The following PDCD7 variants were observed in gnomAD, a reference collection of about 807,000 sequenced individuals.
PDCD7 encodes the protein programmed cell death protein 7.
PDCD7 carries 40 observed loss-of-function variants against 42.1 expected under a neutral mutation model. That is an observed-to-expected ratio of 0.95 (90% CI 0.74 to 1.24). The LOEUF (loss-of-function observed/expected upper bound fraction) is 1.24, where lower values mean the gene tolerates loss of function less well. PDCD7 is among the 50% of genes most tolerant of loss of function. PDCD7 has a pLI of 0.00. For synonymous variants in PDCD7, 299 were observed against 303.3 expected (o/e 0.99, Z 0.15); for missense variants, 644 against 662.8 (o/e 0.97, Z 0.31).
intron 2 of PDCD7, among the ~76,000 whole-genome samples, chr15:65,123,793 A>G (rs2087475074): frequency 6.6e-6 from 1 of 152,208 alleles, no homozygotes; most frequent in African/African-American, 2.4e-5. Flanking sequence ...ACTCAAATTT[A>G]TCTTCTACTA....
In PDCD7 at chr15:65,133,604, G is replaced by A. The variant is rs1182651287; in HGVS notation, c.178C>T (p.Leu60=). The change falls in exon 1 of 5, where the codon CTG becomes TTG. Residue 60 remains leucine, a synonymous_variant. Transcript: ENST00000204549. ...GASAPFLQPP[L]ALQPRASAEA... ...GCGGAGGCTCGGGGCTGCAGAGCCA[G>A]CGGAGGCTGAAGGAAGGGGGCGGAG... 7.3e-6 allele frequency: 9 copies of A among 1,239,834 alleles called. No individual in the cohort carries two copies. The highest frequency in any genetic ancestry group is 4.2e-5 in the Admixed American group (1 of 23,722). 76.8% of individuals were successfully genotyped at this position (1,239,834 alleles called of 1,614,324 possible).
chr15:65,121,907 G>C (rs552526914), intron 2 of PDCD7, among the ~76,000 whole-genome samples: 167 of 152,280 alleles, frequency 1.1e-3, no homozygotes, highest in African/African-American at 3.8e-3. Flanking sequence ...GACTGCAATT[G>C]TGCACTCACT....
intron 1 of PDCD7, 93 bp downstream of exon 1, chr15:65,132,819 G>A: frequency 6.4e-7 from 1 of 1,556,184 alleles, no homozygotes; most frequent in Non-Finnish European, 8.7e-7. Context: ...TAAAACAGAG[G>A]CTTAGCCCTG....
rs775490384 is a variant in PDCD7 at position 65,132,898 on chromosome 15, G to A, written c.870+14C>T. 3 of 1,601,312 alleles carry A rather than the reference G, an allele frequency of 1.9e-6. No individual in the cohort carries two copies. In the East Asian group the frequency reaches 6.7e-5, roughly 36 times the overall value. On this transcript the variant is annotated intron_variant, in intron 1 of 4. Coordinates refer to ENST00000204549, the MANE Select transcript of PDCD7 (RefSeq NM_005707.2). ...ACCACCACTCCTACCCCCATGAGCG[G>A]CCGCTGCTCTCACCCGCTTCTTCTC... is the stretch of plus-strand genomic sequence containing the variant.
intron 2 of PDCD7, among the ~76,000 whole-genome samples, chr15:65,126,576 A>C (rs906756047): frequency 6.6e-6 from 1 of 152,094 alleles, no homozygotes; most frequent in Admixed American, 6.5e-5. Flanking sequence ...CAACATGGCG[A>C]AACTCTATCT....
At chr15:65,124,259 TA>T (rs970109731) in intron 2 of PDCD7, among the ~76,000 whole-genome samples, 2 of 151,130 alleles carry the variant, frequency 1.3e-5, no homozygotes, top group African/African-American at 2.4e-5. Flanking sequence ...CCATCTCTAC[TA>T]AAAAAAATAC....
intron 2 of PDCD7, among the ~76,000 whole-genome samples, chr15:65,127,532 T>G (rs1187025807): frequency 4.0e-5 from 6 of 150,850 alleles, no homozygotes; most frequent in Admixed American, 6.6e-5. Context: ...AACTCTAGCA[T>G]AGCCCATAAG....
At position 65,133,076 on chromosome 15, in the gene PDCD7, G is replaced by A. The variant is rs772368523; in HGVS notation, c.706C>T (p.Arg236Trp). Reference protein sequence around the residue: ...LTQAAYVGEARRRLERVRRRR... With the variant: ...LTQAAYVGEAWRRLERVRRRR... ...CGCCGGACCCTCTCCAGCCTCCTCC[G>A]CGCCTCGCCCACATAGGCAGCCTGG... The change falls in exon 1 of 5, where the codon CGG (arginine) becomes TGG (tryptophan). Residue 236 changes from arginine (R) to tryptophan (W), a missense_variant. By Grantham distance (101) the Arg-to-Trp change is moderately radical. Coordinates refer to ENST00000204549, the MANE Select transcript of PDCD7 (RefSeq NM_005707.2). 6.4e-7 allele frequency: 1 copy of A among 1,573,646 alleles called. No homozygotes were observed. Among genetic ancestry groups the A allele is most frequent in the Non-Finnish European group, 8.6e-7 (1 of 1,166,344 alleles).
At chr15:65,123,028 C>A (rs545166574) in intron 2 of PDCD7, among the ~76,000 whole-genome samples, 1 of 151,530 alleles carries the variant, frequency 6.6e-6, no homozygotes, top group Non-Finnish European at 1.5e-5. Flanking sequence ...AAGAAAAATT[C>A]TCAAAAATGG....
intron 2 of PDCD7, among the ~76,000 whole-genome samples, chr15:65,128,134 CA>C (rs2087510980): frequency 6.6e-6 from 1 of 152,188 alleles, no homozygotes; most frequent in Non-Finnish European, 1.5e-5. Context: ...TTTTAAACAA[CA>C]CATGGGAAAT....
chr15:65,128,148 T>C (rs1330618600), intron 2 of PDCD7, among the ~76,000 whole-genome samples: 1 of 152,246 alleles, frequency 6.6e-6, no homozygotes, highest in African/African-American at 2.4e-5. Flanking sequence ...TGGGAAATCA[T>C]TTGTTAGAGT....
At chr15:65,130,362 T>A (rs929711609) in intron 1 of PDCD7, among the ~76,000 whole-genome samples, 2 of 152,000 alleles carry the variant, frequency 1.3e-5, no homozygotes, top group African/African-American at 2.4e-5. Flanking sequence ...TTCACCACGT[T>A]GGCCAGGCTG....
chr15:65,129,173 G>A lies in PDCD7; in HGVS notation c.871-3C>T, dbSNP rs1194870585. On this transcript the variant is annotated splice_region_variant and splice_polypyrimidine_tract_variant and intron_variant, in intron 1 of 4. Transcript: ENST00000204549. ...GCGGCTGCTTTGAGTTCCTGCTCCTGGAAGAGAAACAAAGCCCATGAGACC... is the reference window on the plus strand; with the variant it reads ...GCGGCTGCTTTGAGTTCCTGCTCCTAGAAGAGAAACAAAGCCCATGAGACC... 1 of 1,613,468 alleles carries A rather than the reference G, an allele frequency of 6.2e-7. No individual in the cohort carries two copies. The highest frequency in any genetic ancestry group is 2.2e-5 in the East Asian group (1 of 44,884).
chr15:65,122,090 T>A (rs2087459863), intron 2 of PDCD7, among the ~76,000 whole-genome samples: 1 of 152,178 alleles, frequency 6.6e-6, no homozygotes, highest in African/African-American at 2.4e-5. Context: ...AACCTAGCAC[T>A]TTGGGAGACT....
At chr15:65,120,491 G>A (rs1053687882) in intron 2 of PDCD7, among the ~76,000 whole-genome samples, 3 of 152,046 alleles carry the variant, frequency 2.0e-5, no homozygotes, top group Non-Finnish European at 4.4e-5. Context: ...GAGGTCTCAC[G>A]AGGTCAGGAG....
intron 2 of PDCD7, among the ~76,000 whole-genome samples, chr15:65,122,107 G>A (rs932442389): frequency 1.3e-5 from 2 of 152,164 alleles, no homozygotes; most frequent in Admixed American, 6.5e-5. Flanking sequence ...GACTGAGGCA[G>A]GCAGGTTGCC....
At position 65,133,606 on chromosome 15, in the gene PDCD7, G is replaced by A. The variant is rs770671394; in HGVS notation, c.176C>T (p.Pro59Leu). The change falls in exon 1 of 5, where the codon CCG (proline) becomes CTG (leucine). Residue 59 changes from proline (P) to leucine (L), a missense_variant. By Grantham distance (98) the Pro-to-Leu change is moderately conservative (BLOSUM62 -3). Transcript: ENST00000204549. ...GGAGGCTCGGGGCTGCAGAGCCAGC[G>A]GAGGCTGAAGGAAGGGGGCGGAGGC... ...PGASAPFLQP[P>L]LALQPRASAE... The A allele has an allele frequency of 3.4e-5, 42 of 1,239,912 alleles. No homozygotes were observed. The highest frequency in any genetic ancestry group is 3.1e-4 in the Middle Eastern group (1 of 3,244). 76.8% of individuals were successfully genotyped at this position (1,239,912 alleles called of 1,614,324 possible). A position where few individuals can be genotyped will look rare whatever the true frequency, so the allele number is the denominator to read the frequency against.
At position 65,132,300 on chromosome 15, in the gene PDCD7, T is replaced by C. The variant is rs1463066921; in HGVS notation, c.870+612A>G. 2.0e-5 allele frequency among the ~76,000 whole-genome samples: 3 copies of C among 151,518 alleles called. No homozygotes were observed. In the East Asian group the frequency reaches 5.8e-4, roughly 29 times the overall value. ...CCCAAGTTCTCTATTTTTTTTTTTT[T>C]TGAGACGGAGTCTTGCTCTGTCGCC... On this transcript the variant is annotated intron_variant, in intron 1 of 4. Transcript: ENST00000204549.
Position 65,133,155 on chromosome 15 carries a change from G to A in PDCD7, c.627C>T (p.Tyr209=). The A allele has an allele frequency of 2.0e-6, 3 of 1,525,898 alleles. No homozygotes were observed. The highest frequency in any genetic ancestry group is 1.7e-6 in the Non-Finnish European group (2 of 1,143,408). The allele number at this position is 1,525,898 out of a possible 1,614,324, so 94.5% of individuals were successfully genotyped here. The change falls in exon 1 of 5, where the codon TAC becomes TAT. Residue 209 remains tyrosine, a synonymous_variant. Coordinates refer to ENST00000204549, the MANE Select transcript of PDCD7 (RefSeq NM_005707.2). ...CCGCGCGCAGCGGCGCGGTCTGGGA[G>A]TACAGCAGGACCCAGGCCGCGCCGT... ...EADGAAWVLL[Y]SQTAPLRAEL...
Sources: gnomAD v4.1 joint callset for allele counts (sites outside exome capture counted in the v4.1 genomes callset) on GRCh38, gnomAD v4.1.1 for gene constraint, MANE v1.5 for transcripts, NCBI Gene and HGNC (gene_info 2026-07-23, HGNC 2026-07-21) for gene names.